Variants in HIBCH observed in about 807,000 individuals in gnomAD.
HIBCH encodes the protein 3-hydroxyisobutyryl-CoA hydrolase, mitochondrial.
In HIBCH, 50 loss-of-function variants were observed where a neutral mutation model predicts 58.2. The ratio of observed to expected loss-of-function variants is 0.86; its 90% CI spans 0.68 to 1.09. The LOEUF is 1.09. HIBCH is among the 50% of genes least tolerant of loss of function. The probability of loss-of-function intolerance (pLI) is 0.00; values close to 1 mark genes in which losing one functional copy is unlikely to be tolerated. For synonymous variants in HIBCH, 151 were observed against 146.9 expected (o/e 1.03, Z -0.20); for missense variants, 450 against 449.7 (o/e 1.00, Z -0.01).
intron 5 of HIBCH, among the ~76,000 whole-genome samples, chr2:190,288,443 T>C (rs938458668): frequency 3.3e-5 from 5 of 150,788 alleles, no homozygotes; most frequent in Admixed American, 1.3e-4. Context: ...ATTCTACATA[T>C]TATTTCTGGA....
At chr2:190,242,908 C>G (rs1686495220) in intron 11 of HIBCH, among the ~76,000 whole-genome samples, 1 of 152,082 alleles carries the variant, frequency 6.6e-6, no homozygotes, top group South Asian at 2.1e-4. Flanking sequence ...GGGTTGGGAA[C>G]TGGTGCATTT....
intron 4 of HIBCH, among the ~76,000 whole-genome samples, chr2:190,294,159 ATAT>A (rs1479022285): frequency 6.6e-6 from 1 of 151,510 alleles, no homozygotes; most frequent in African/African-American, 2.4e-5. Context: ...AGAGCATGTC[ATAT>A]TTGAAGAATG....
chr2:190,197,531 C>A lies in HIBCH; in HGVS notation c.*18-7534G>T, dbSNP rs1027262110. On this transcript the variant is annotated intron_variant, in intron 1 of 1. Transcript: ENST00000399855. This position sits in a 1 kb window ranked among gnomAD's most constrained non-coding sequence, Gnocchi z 4.0. ...TTGAACTCTATCTTATAAATTCCAG[C>A]TGTTTTAGTAACCCTAACCTCTGTT... Among the ~76,000 whole-genome samples the A allele has an allele frequency of 1.3e-5, 2 of 152,192 alleles. No homozygotes were observed. The highest frequency in any genetic ancestry group is 2.9e-5 in the Non-Finnish European group (2 of 68,040).
intron 11 of HIBCH, among the ~76,000 whole-genome samples, chr2:190,232,386 T>A (rs1478606686): frequency 2.0e-5 from 3 of 152,164 alleles, no homozygotes; most frequent in Non-Finnish European, 1.5e-5. Flanking sequence ...AGTCTGGAAT[T>A]GAGGTATGTG....
intron 11 of HIBCH, among the ~76,000 whole-genome samples, chr2:190,241,290 C>T (rs1224378100): frequency 6.6e-6 from 1 of 152,096 alleles, no homozygotes; most frequent in African/African-American, 2.4e-5. Flanking sequence ...GGATTGCAAC[C>T]CCTGCTTTTT....
intron 6 of HIBCH, among the ~76,000 whole-genome samples, chr2:190,261,827 C>T (rs1315036313): frequency 1.3e-5 from 2 of 152,082 alleles, no homozygotes; most frequent in African/African-American, 4.8e-5. Flanking sequence ...AGAAAAACTA[C>T]TAGATAAGGC....
chr2:190,244,659 T>A (rs1686553830), intron 11 of HIBCH, among the ~76,000 whole-genome samples: 1 of 152,140 alleles, frequency 6.6e-6, no homozygotes, highest in African/African-American at 2.4e-5. Context: ...TCAAAGGACA[T>A]AAAACTAGAT....
intron 2 of HIBCH, among the ~76,000 whole-genome samples, chr2:190,309,704 C>T (rs746018111): frequency 6.6e-6 from 1 of 151,850 alleles, no homozygotes; most frequent in Non-Finnish European, 1.5e-5. Context: ...TGCAGGTGCC[C>T]GCCACCATGT....
At chr2:190,262,173 A>G (rs1364326359) in intron 6 of HIBCH, among the ~76,000 whole-genome samples, 5 of 150,912 alleles carry the variant, frequency 3.3e-5, no homozygotes, top group African/African-American at 4.9e-5. Context: ...CAAAAAAAAA[A>G]AAAAGAAAAG....
intron 11 of HIBCH, among the ~76,000 whole-genome samples, chr2:190,221,155 A>G (rs1007663299): frequency 6.6e-6 from 1 of 152,210 alleles, no homozygotes; most frequent in Non-Finnish European, 1.5e-5. Flanking sequence ...TGGTTCAGAG[A>G]TTTCATAAAA....
chr2:190,192,030 TC>T (rs1399641698), intron 1 of HIBCH, among the ~76,000 whole-genome samples: 1 of 152,164 alleles, frequency 6.6e-6, no homozygotes, highest in Non-Finnish European at 1.5e-5. Context: ...ATCTAAGAAC[TC>T]TTTTCCTAAC....
At chr2:190,314,390 T>TAC (rs71027213) in intron 1 of HIBCH, among the ~76,000 whole-genome samples, 76,924 of 139,066 alleles carry the variant, frequency 0.55, 22,380 homozygotes, top group South Asian at 0.61. Flanking sequence ...TGTATATATA[T>TAC]GTATATATAT....
chr2:190,267,206 G>C (rs750175143), intron 6 of HIBCH, among the ~76,000 whole-genome samples: 5 of 152,102 alleles, frequency 3.3e-5, no homozygotes, highest in Non-Finnish European at 5.9e-5. Flanking sequence ...TTTTGTTGTT[G>C]TTGTTTTGTT....
chr2:190,249,130 T>A (rs1382282218), intron 9 of HIBCH, among the ~76,000 whole-genome samples: 1 of 152,316 alleles, frequency 6.6e-6, no homozygotes, highest in Middle Eastern at 3.4e-3. Context: ...CCTTTTCTTA[T>A]TCACTTATTA....
intron 6 of HIBCH, among the ~76,000 whole-genome samples, chr2:190,264,621 A>T (rs1295404886): frequency 1.3e-5 from 2 of 152,248 alleles, no homozygotes; most frequent in Non-Finnish European, 2.9e-5. Flanking sequence ...TGCATATAGC[A>T]GTAATTTGTT....
At chr2:190,199,702 C>CACTACACGT (rs1176647587), downstream of HIBCH, 4 of 1,449,800 alleles carry the variant, frequency 2.8e-6, no homozygotes, top group African/African-American at 2.8e-5. Context: ...GACAGGTAAA[C>CACTACACGT]ACTACACGTG....
intron 6 of HIBCH, among the ~76,000 whole-genome samples, chr2:190,272,862 G>A (rs913139313): frequency 6.6e-6 from 1 of 151,944 alleles, no homozygotes; most frequent in Non-Finnish European, 1.5e-5. Flanking sequence ...TGGAAATGGG[G>A]TATAGGAAGC....
chr2:190,195,212 T>G, intron 1 of HIBCH, among the ~76,000 whole-genome samples: 1 of 152,204 alleles, frequency 6.6e-6, no homozygotes, highest in African/African-American at 2.4e-5. Flanking sequence ...GTGCCACAGT[T>G]TACCCATTCA....
intron 11 of HIBCH, among the ~76,000 whole-genome samples, chr2:190,232,744 G>A (rs1297974590): frequency 6.6e-6 from 1 of 152,142 alleles, no homozygotes; most frequent in Non-Finnish European, 1.5e-5. Context: ...GGATCCCGAG[G>A]TCAGGAGATC....
Sources: allele counts gnomAD v4.1 joint callset (sites outside exome capture counted in the v4.1 genomes callset), GRCh38; gene constraint gnomAD v4.1.1; non-coding constraint Gnocchi (gnomAD v3.1); transcripts MANE v1.5; gene names NCBI Gene and HGNC (gene_info 2026-07-23, HGNC 2026-07-21).